Variants in TTC27 observed in about 807,000 individuals in gnomAD.
TTC27 encodes tetratricopeptide repeat domain 27.
A neutral mutation model predicts 115.9 loss-of-function variants in TTC27; 79 were observed. The observed-to-expected ratio is 0.68, with a 90% CI of 0.57 to 0.82. TTC27 has a LOEUF of 0.82. TTC27 is among the 40% of genes least tolerant of loss of function. The probability of loss-of-function intolerance (pLI) is 0.00; values close to 1 mark genes in which losing one functional copy is unlikely to be tolerated. For synonymous variants in TTC27, 401 were observed against 356.0 expected (o/e 1.13, Z -1.42); for missense variants, 1,054 against 993.1 (o/e 1.06, Z -0.82).
At chr2:32,730,808 G>A (rs1346833396) in intron 10 of TTC27, among the ~76,000 whole-genome samples, 1 of 151,880 alleles carries the variant, frequency 6.6e-6, no homozygotes, top group Non-Finnish European at 1.5e-5. Flanking sequence ...TTTTAGTAGA[G>A]ATGGGGTTTC....
intron 10 of TTC27, among the ~76,000 whole-genome samples, chr2:32,710,427 C>CTTTT (rs10651873): frequency 1.8e-4 from 24 of 129,830 alleles, no homozygotes; most frequent in South Asian, 5.0e-4. Context: ...AAGTATATAG[C>CTTTT]TTTTTTTTTT....
At chr2:32,722,614 C>T (rs1667966001) in intron 10 of TTC27, among the ~76,000 whole-genome samples, 1 of 152,176 alleles carries the variant, frequency 6.6e-6, no homozygotes, top group Non-Finnish European at 1.5e-5. Context: ...ATGCTTTTAT[C>T]CACCATGCCC....
chr2:32,678,222 T>C (rs115290372), intron 8 of TTC27, among the ~76,000 whole-genome samples: 10,571 of 143,708 alleles, frequency 0.074, 430 homozygotes, highest in East Asian at 0.13. Flanking sequence ...GCCACTGCAC[T>C]GCAGCCTGGG....
At chr2:32,747,244 A>G (rs1668862031) in intron 12 of TTC27, among the ~76,000 whole-genome samples, 1 of 152,158 alleles carries the variant, frequency 6.6e-6, no homozygotes. Context: ...GATTTTCCTG[A>G]TTATGATTTC....
chr2:32,702,765 C>A (rs1667230250), intron 9 of TTC27, 42 bp from the exon 10 acceptor site: 2 of 1,308,480 alleles, frequency 1.5e-6, no homozygotes, highest in South Asian at 1.2e-5. Context: ...GATCACCTAG[C>A]TTATCTCTTT....
At chr2:32,772,506 A>G (rs1458406529) in intron 13 of TTC27, among the ~76,000 whole-genome samples, 3 of 152,198 alleles carry the variant, frequency 2.0e-5, no homozygotes, top group Non-Finnish European at 2.9e-5. Context: ...CCATACATCT[A>G]TTCTGTTGAT....
chr2:32,635,514 G>A (rs551799946), intron 3 of TTC27, among the ~76,000 whole-genome samples: 9 of 152,046 alleles, frequency 5.9e-5, no homozygotes, highest in South Asian at 4.2e-4. Context: ...GTGAAACTCC[G>A]TCTTACTAAA....
At chr2:32,636,672 C>G (rs12105253) in intron 3 of TTC27, among the ~76,000 whole-genome samples, 69 of 152,284 alleles carry the variant, frequency 4.5e-4, no homozygotes, top group Admixed American at 1.9e-3. Flanking sequence ...CTCTTCTATA[C>G]TAGTGTAGAA....
At chr2:32,730,562 T>C (rs7563208) in intron 10 of TTC27, among the ~76,000 whole-genome samples, 69,505 of 150,320 alleles carry the variant, frequency 0.46, 16,396 homozygotes, top group Non-Finnish European at 0.51. Context: ...AAAAAAAGAG[T>C]ACTTTGGATC....
chr2:32,631,466 A>G (rs1448334142), intron 2 of TTC27, among the ~76,000 whole-genome samples: 1 of 152,198 alleles, frequency 6.6e-6, no homozygotes, highest in African/African-American at 2.4e-5. Flanking sequence ...CTTCCATTAA[A>G]GTTTGTGTAA....
chr2:32,723,744 T>TTCCTTCCTTCCTTCCTTCCC (rs1668014023), intron 10 of TTC27, among the ~76,000 whole-genome samples: 1 of 92,762 alleles, frequency 1.1e-5, no homozygotes, highest in Non-Finnish European at 1.9e-5. Flanking sequence ...CCTTCCTTCC[T>TTCCTTCCTTCCTTCCTTCCC]TCCTTCCTTC....
At chr2:32,756,529 A>C (rs1669238084) in intron 12 of TTC27, among the ~76,000 whole-genome samples, 4 of 152,210 alleles carry the variant, frequency 2.6e-5, no homozygotes, top group Admixed American at 2.0e-4. Flanking sequence ...AGCATACACA[A>C]CCTGAACTAT....
intron 7 of TTC27, among the ~76,000 whole-genome samples, chr2:32,671,898 A>G (rs900902867): frequency 6.6e-6 from 1 of 152,230 alleles, no homozygotes. Flanking sequence ...ATGAGCTTCA[A>G]GTATCTGATT....
At chr2:32,638,225 A>C (rs989755957) in intron 3 of TTC27, among the ~76,000 whole-genome samples, 1 of 152,082 alleles carries the variant, frequency 6.6e-6, no homozygotes, top group Non-Finnish European at 1.5e-5. Context: ...TTTTTTTTAA[A>C]TAATTCCTTG....
chr2:32,700,111 T>C (rs1667133882), intron 9 of TTC27, among the ~76,000 whole-genome samples: 1 of 152,200 alleles, frequency 6.6e-6, no homozygotes, highest in African/African-American at 2.4e-5. Context: ...AGGGATTTTC[T>C]GTTAAGGGTG....
chr2:32,675,782 A>G (rs1206580133), intron 8 of TTC27, among the ~76,000 whole-genome samples: 1 of 150,988 alleles, frequency 6.6e-6, no homozygotes, highest in African/African-American at 2.4e-5. Flanking sequence ...GAGAAGGTGA[A>G]TTCTTTTTTT....
At chr2:32,812,687 CA>C (rs1423414840) in intron 18 of TTC27, 72 bp downstream of exon 18, 1 of 1,152,798 alleles carries the variant, frequency 8.7e-7, no homozygotes, top group East Asian at 2.4e-5. Context: ...GAGTGTTGGT[CA>C]AAAGTAAAGT....
intron 12 of TTC27, among the ~76,000 whole-genome samples, chr2:32,754,902 G>C (rs568426978): frequency 1.3e-5 from 2 of 151,458 alleles, no homozygotes; most frequent in Non-Finnish European, 2.9e-5. Flanking sequence ...CCTCCCGGAC[G>C]GGGTGGCTGC....
rs150030186 is a variant in TTC27, at chr2:32,779,792, G to C, written c.1779+1812G>C. Among the ~76,000 whole-genome samples the C allele has an allele frequency of 4.8e-3, 737 of 152,140 alleles. 2 individuals are homozygous for C. Among genetic ancestry groups the C allele is most frequent in the Middle Eastern group, 0.041 (12 of 294 alleles). ...TTTATAGTTTTAACTCTTTCATTAA[G>C]GTCTAGGGACCATTTTAAGTTAATT... On this transcript the variant is annotated intron_variant, in intron 14 of 19. Transcript: ENST00000317907.
Sources: gnomAD v4.1 joint callset for allele counts (sites outside exome capture counted in the v4.1 genomes callset) on GRCh38, gnomAD v4.1.1 for gene constraint, MANE v1.5 for transcripts, NCBI Gene and HGNC (gene_info 2026-07-23, HGNC 2026-07-21) for gene names.